Variants in PHF21B observed in about 807,000 individuals in gnomAD.
The protein encoded by PHF21B is PHD finger protein 4.
A neutral mutation model predicts 62.2 loss-of-function variants in PHF21B; 22 were observed. The ratio of observed to expected loss-of-function variants is 0.35; its 90% CI spans 0.25 to 0.51. The LOEUF is 0.51. PHF21B is among the 20% of genes least tolerant of loss of function. The pLI is 0.97. For synonymous variants in PHF21B, 341 were observed against 314.7 expected (o/e 1.08, Z -0.88); for missense variants, 701 against 707.9 (o/e 0.99, Z 0.11).
chr22:44,905,560 C>A (rs1297970084), intron 5 of PHF21B, among the ~76,000 whole-genome samples: 1 of 152,164 alleles, frequency 6.6e-6, no homozygotes, highest in Non-Finnish European at 1.5e-5. Flanking sequence ...GATCGCCAGC[C>A]TTGGCATGAG....
intron 2 of PHF21B, among the ~76,000 whole-genome samples, chr22:44,952,298 G>A (rs988346078): frequency 3.3e-5 from 5 of 152,172 alleles, no homozygotes; most frequent in East Asian, 1.9e-4. Flanking sequence ...AGCCGAGATC[G>A]CACCAGTGTA....
chr22:45,007,126 A>T (rs2073330123), intron 2 of PHF21B, among the ~76,000 whole-genome samples: 1 of 145,602 alleles, frequency 6.9e-6, no homozygotes, highest in African/African-American at 2.6e-5. Context: ...GCACCAACTG[A>T]AAAGGGTTAG....
chr22:44,916,742 A>C, intron 3 of PHF21B, 112 bp from the exon 4 acceptor site: 1 of 969,940 alleles, frequency 1.0e-6, no homozygotes, highest in East Asian at 2.5e-5. Flanking sequence ...GCAGCACTGG[A>C]AAGAGCACAG....
chr22:44,894,769 G>A (rs1373711735), intron 6 of PHF21B, among the ~76,000 whole-genome samples: 2 of 152,172 alleles, frequency 1.3e-5, no homozygotes, highest in East Asian at 3.9e-4. Flanking sequence ...CTGCCAGAGA[G>A]CAAGTCAGAC....
At chr22:44,896,967 C>A (rs945297151) in intron 5 of PHF21B, among the ~76,000 whole-genome samples, 3 of 143,984 alleles carry the variant, frequency 2.1e-5, no homozygotes, top group Non-Finnish European at 4.5e-5. Flanking sequence ...CAGCTTCAAT[C>A]TCTGGGGTTC....
rs566614044 is a variant in PHF21B at position 44,900,285 on chromosome 22, A to C, written c.832-4202T>G. 2.5e-4 allele frequency among the ~76,000 whole-genome samples: 38 copies of C among 152,232 alleles called. 1 individual carries two copies. In the East Asian group the frequency reaches 7.1e-3, roughly 29 times the overall value. Reference sequence around the variant, plus strand: ...TTTGGGTCTCCAGCAGTTTCTCATAAATGGCTCATGGAACATTTCCTGAGC... The same window carrying C: ...TTTGGGTCTCCAGCAGTTTCTCATACATGGCTCATGGAACATTTCCTGAGC... On this transcript the variant is annotated intron_variant, in intron 5 of 12. Transcript: ENST00000313237.
intron 2 of PHF21B, among the ~76,000 whole-genome samples, chr22:44,939,613 G>A (rs1601621419): frequency 6.6e-6 from 1 of 152,308 alleles, no homozygotes; most frequent in Non-Finnish European, 1.5e-5. Flanking sequence ...GACATGGGGC[G>A]GAGGTAACTG....
At chr22:45,000,961 A>C (rs957619044) in intron 2 of PHF21B, 2 of 152,170 alleles carry the variant, frequency 1.3e-5, no homozygotes, top group African/African-American at 4.8e-5. Context: ...TCCCACCCCC[A>C]CTTCACAGCT....
At chr22:44,899,840 C>T (rs1444433540) in intron 5 of PHF21B, among the ~76,000 whole-genome samples, 2 of 152,158 alleles carry the variant, frequency 1.3e-5, no homozygotes, top group Non-Finnish European at 2.9e-5. Flanking sequence ...CTTAATTTTA[C>T]ACCCTGCTGC....
At chr22:44,995,502 G>C (rs2073105138) in intron 2 of PHF21B, among the ~76,000 whole-genome samples, 1 of 152,134 alleles carries the variant, frequency 6.6e-6, no homozygotes. Flanking sequence ...AGAGTCCCGA[G>C]GCACTCTGGT....
In PHF21B at chr22:44,883,054, T is replaced by C; in HGVS notation, c.*32A>G. The C allele has an allele frequency of 6.3e-7, 1 of 1,578,036 alleles. No individual in the cohort carries two copies. The highest frequency in any genetic ancestry group is 8.6e-7 in the Non-Finnish European group (1 of 1,162,672). ...GCTGTGTAAGCAGGGTCCCAATAAC[T>C]TTCCGTGGGTATGAAGACTGGTCCC... On this transcript the variant is annotated 3_prime_UTR_variant, in exon 13 of 13. Transcript: ENST00000313237.
At chr22:44,982,409 C>T (rs199503183) in intron 2 of PHF21B, among the ~76,000 whole-genome samples, 2 of 152,210 alleles carry the variant, frequency 1.3e-5, no homozygotes, top group Admixed American at 1.3e-4. Context: ...GCTGGCACTA[C>T]CAAACCCTTC....
intron 2 of PHF21B, among the ~76,000 whole-genome samples, chr22:44,938,757 C>T (rs912205290): frequency 6.6e-6 from 1 of 152,200 alleles, no homozygotes; most frequent in African/African-American, 2.4e-5. Flanking sequence ...AAGGTGCCAT[C>T]TCTAGGAGGA....
At chr22:44,993,531 C>T (rs548194362) in intron 2 of PHF21B, among the ~76,000 whole-genome samples, 4 of 152,362 alleles carry the variant, frequency 2.6e-5, no homozygotes, top group Admixed American at 6.5e-5. Context: ...CCAAGAACAG[C>T]GAGTCCAGAA....
intron 2 of PHF21B, among the ~76,000 whole-genome samples, chr22:44,945,848 A>G (rs1321863524): frequency 1.3e-5 from 2 of 152,050 alleles, no homozygotes; most frequent in East Asian, 3.9e-4. Context: ...ATGGTACCAG[A>G]ACTCTTTGGG....
intron 2 of PHF21B, among the ~76,000 whole-genome samples, chr22:44,963,565 G>T (rs114074499): frequency 6.6e-6 from 1 of 152,170 alleles, no homozygotes; most frequent in African/African-American, 2.4e-5. Flanking sequence ...GCTGAAGGAC[G>T]AAAGAAGAGA....
chr22:44,893,088 G>C (rs750788709), intron 7 of PHF21B, among the ~76,000 whole-genome samples: 17 of 152,152 alleles, frequency 1.1e-4, no homozygotes, highest in Non-Finnish European at 2.2e-4. Context: ...AACTGCACAG[G>C]CTCTAGACAA....
intron 2 of PHF21B, chr22:44,967,005 A>T (rs1397229315): frequency 6.6e-6 from 1 of 152,026 alleles, no homozygotes; most frequent in Non-Finnish European, 1.5e-5. Context: ...ACAGGTAAAG[A>T]CGACCACACC....
intron 6 of PHF21B, among the ~76,000 whole-genome samples, chr22:44,893,971 G>C (rs368060273): frequency 6.6e-6 from 1 of 152,236 alleles, no homozygotes; most frequent in Non-Finnish European, 1.5e-5. Flanking sequence ...CTCTGCCCCA[G>C]TGCAGCCCCC....
Sources: gnomAD v4.1 joint callset for allele counts (sites outside exome capture counted in the v4.1 genomes callset) on GRCh38, gnomAD v4.1.1 for gene constraint, MANE v1.5 for transcripts, NCBI Gene and HGNC (gene_info 2026-07-23, HGNC 2026-07-21) for gene names.